MCF2L: variants seen among roughly 807,000 people sequenced by gnomAD.
MCF2L encodes guanine nucleotide exchange factor DBS.
A neutral mutation model predicts 153.4 loss-of-function variants in MCF2L; 97 were observed. The ratio of observed to expected loss-of-function variants is 0.63; its 90% CI spans 0.54 to 0.75. MCF2L has a LOEUF of 0.75. Ranked by LOEUF, MCF2L falls within the 30% of genes least tolerant of loss-of-function variation. The pLI, the probability that MCF2L is intolerant of heterozygous loss-of-function variation, is 0.00. For missense variants in MCF2L, 1,347 were observed against 1,495.2 expected (o/e 0.90, Z 1.64); for synonymous variants, 659 against 632.2 (o/e 1.04, Z -0.64).
rs1472276701 is a variant in MCF2L, at chr13:113,053,508, C to T, written c.370-7085C>T. ...ATGTCCATGTGTCCCGTGATTGGGG[C>T]GGTGTTGTGTGCTCAGACGGCCAAG... On this transcript the variant is annotated intron_variant, in intron 4 of 29. Coordinates refer to ENST00000535094, the MANE Select transcript of MCF2L (RefSeq NM_001112732.3). This position sits in a 1 kb window ranked among gnomAD's most constrained non-coding sequence, Gnocchi z 4.4. Among the ~76,000 whole-genome samples, 7 of 152,258 alleles carry T rather than the reference C, an allele frequency of 4.6e-5. No individual in the cohort carries two copies. The South Asian group carries it at 1.5e-3, about 32-fold the overall frequency.
chr13:113,046,369 A>C lies in MCF2L; in HGVS notation c.369+1008A>C. On this transcript the variant is annotated intron_variant, in intron 4 of 29. Transcript: ENST00000535094. This position sits in a 1 kb window ranked among gnomAD's most constrained non-coding sequence, Gnocchi z 4.4. ...CCAGGCTCTGGGACCCTGGGTCCTC[A>C]GCTGTGATGGCACAATTGCTCCAAG... 1 of 368,470 alleles carries C rather than the reference A, an allele frequency of 2.7e-6. No individual in the cohort carries two copies. The highest frequency in any genetic ancestry group is 5.3e-6 in the Non-Finnish European group (1 of 189,062). The allele number at this position is 368,470 out of a possible 1,614,324, so 22.8% of individuals were successfully genotyped here.
intron 2 of MCF2L, among the ~76,000 whole-genome samples, chr13:113,016,298 G>T (rs577037446): frequency 6.6e-6 from 1 of 152,322 alleles, no homozygotes; most frequent in South Asian, 2.1e-4. Flanking sequence ...TGACACAAGG[G>T]GGTTCTCTGT....
intron 2 of MCF2L, among the ~76,000 whole-genome samples, chr13:112,937,635 T>C (rs571654803): frequency 6.6e-6 from 1 of 152,328 alleles, no homozygotes; most frequent in African/African-American, 2.4e-5. Context: ...TTCAGGTCAA[T>C]TTATGCACAT....
rs371210042 is a variant in MCF2L at position 112,999,554 on chromosome 13, T to C, written c.80-15209T>C. On this transcript the variant is annotated intron_variant, in intron 1 of 29. Transcript: ENST00000535094. Reference sequence around the variant, plus strand: ...ATCAGCCGCTGTACGGCTGGCTGCCTGAGACGTCCCAGCCCTCCGTGTCCT... The same window carrying C: ...ATCAGCCGCTGTACGGCTGGCTGCCCGAGACGTCCCAGCCCTCCGTGTCCT... 4.9e-4 allele frequency among the ~76,000 whole-genome samples: 75 copies of C among 152,320 alleles called. 1 individual carries two copies. In the South Asian group the frequency reaches 8.5e-3, roughly 17 times the overall value.
At chr13:113,095,872 C>A in intron 27 of MCF2L, 1 of 884,312 alleles carries the variant, frequency 1.1e-6, no homozygotes, top group South Asian at 3.7e-5. Context: ...CAGTTCTAGG[C>A]CCCGGAGACA....
chr13:113,041,285 G>A (rs934771430), intron 3 of MCF2L, among the ~76,000 whole-genome samples: 4 of 152,198 alleles, frequency 2.6e-5, no homozygotes, highest in South Asian at 2.1e-4. Context: ...GGCCACAGAT[G>A]TGGGCATAGA....
intron 1 of MCF2L, among the ~76,000 whole-genome samples, chr13:112,989,290 C>T (rs113135985): frequency 3.4e-5 from 5 of 146,024 alleles, no homozygotes; most frequent in Admixed American, 2.0e-4. Context: ...GGAGCTACCA[C>T]GCCCGAGTCC....
Position 113,053,266 on chromosome 13 carries a change from G to C in MCF2L, c.370-7327G>C, listed in dbSNP as rs903412136. On this transcript the variant is annotated intron_variant, in intron 4 of 29. Coordinates refer to ENST00000535094, the MANE Select transcript of MCF2L (RefSeq NM_001112732.3). This position sits in a 1 kb window ranked among gnomAD's most constrained non-coding sequence, Gnocchi z 4.4. ...AGGTCCAGTGAAGGACGGCGCCCCC[G>C]TCAGCTGTCCACCCTTCTCAGTCGT... 2.0e-5 allele frequency among the ~76,000 whole-genome samples: 3 copies of C among 152,184 alleles called. No individual in the cohort carries two copies. Among genetic ancestry groups the C allele is most frequent in the South Asian group, 2.1e-4 (1 of 4,820 alleles).
At chr13:112,952,206 C>T (rs1398054167) in intron 2 of MCF2L, among the ~76,000 whole-genome samples, 2 of 152,152 alleles carry the variant, frequency 1.3e-5, no homozygotes, top group Admixed American at 6.5e-5. Context: ...TATTCAGAGC[C>T]GGGCAGAGGG....
In MCF2L at chr13:112,908,738, TTTTG is replaced by T. The variant is rs1196654630; in HGVS notation, c.169+6371_169+6374del. Among the ~76,000 whole-genome samples the T allele has an allele frequency of 1.1e-3, 66 of 60,486 alleles. 1 individual carries two copies. Among genetic ancestry groups the T allele is most frequent in the African/African-American group, 4.4e-3 (58 of 13,102 alleles). 39.7% of individuals were successfully genotyped at this position (60,486 alleles called of 152,430 possible). On this transcript the variant is annotated intron_variant, in intron 2 of 29. Coordinates refer to the MCF2L transcript ENST00000375608. Reference sequence around the variant, plus strand: ...TGTTTTTTGTTTTGTTTTGGTTTTTTTTTGTTTTTTTTTGAGACAGAGTCTCACT... The same window carrying T: ...TGTTTTTTGTTTTGTTTTGGTTTTTTTTTTTTTTTGAGACAGAGTCTCACT...
At chr13:112,959,279 C>T (rs2081795974) in intron 2 of MCF2L, among the ~76,000 whole-genome samples, 2 of 152,276 alleles carry the variant, frequency 1.3e-5, no homozygotes, top group African/African-American at 4.8e-5. Flanking sequence ...GGTCTCTCCA[C>T]TCTGGCCCCA....
In MCF2L at chr13:113,095,740, AC is replaced by A. The variant is rs899022032; in HGVS notation, c.3076-630del. ...GCAGCACCCCTCCGCAGCCCACCAC[AC>A]GCAGCACCAGGAGGCTGTGAATCTC... is the stretch of plus-strand genomic sequence containing the variant. On this transcript the variant is annotated intron_variant, in intron 27 of 29. Transcript: ENST00000535094. The A allele has an allele frequency of 4.6e-5, 46 of 995,400 alleles. 3 individuals are homozygous for A. The African/African-American group carries it at 7.3e-4, about 16-fold the overall frequency. 61.7% of individuals were successfully genotyped at this position (995,400 alleles called of 1,614,324 possible). A position where few individuals can be genotyped will look rare whatever the true frequency, so the allele number is the denominator to read the frequency against.
chr13:113,019,950 C>G (rs143902672), intron 2 of MCF2L, among the ~76,000 whole-genome samples: 1 of 152,178 alleles, frequency 6.6e-6, no homozygotes, highest in Non-Finnish European at 1.5e-5. Flanking sequence ...TTGGGCCTCC[C>G]GGCCTATGGT....
chr13:113,076,222 G>A, intron 12 of MCF2L, 65 bp downstream of exon 12: 1 of 1,198,570 alleles, frequency 8.3e-7, no homozygotes, highest in South Asian at 1.7e-5. Flanking sequence ...TTCCTCTGTG[G>A]GAAGTTTGAA....
intron 4 of MCF2L, among the ~76,000 whole-genome samples, chr13:113,059,798 G>A (rs995815253): frequency 6.6e-6 from 1 of 152,242 alleles, no homozygotes; most frequent in African/African-American, 2.4e-5. Flanking sequence ...GGCAGAGCCA[G>A]TTTCCAAATA....
At chr13:113,021,352 C>G (rs970217884) in intron 2 of MCF2L, among the ~76,000 whole-genome samples, 50 of 152,152 alleles carry the variant, frequency 3.3e-4, no homozygotes, top group Admixed American at 3.1e-3. Context: ...AGGAACCACA[C>G]TTCTTTCTGG....
In MCF2L at chr13:113,057,940, GTGTT is replaced by G. The variant is rs376422643; in HGVS notation, c.370-2650_370-2647del. ...TTGGGTGCTGAGTGTTGGGTGCTGA[GTGTT>G]TGGGTGCTGAGTGTTTTGGCACTGT... On this transcript the variant is annotated intron_variant, in intron 4 of 29. Coordinates refer to ENST00000535094, the MANE Select transcript of MCF2L (RefSeq NM_001112732.3). 3.4e-3 allele frequency among the ~76,000 whole-genome samples: 488 copies of G among 142,160 alleles called. 3 individuals are homozygous for G. Among genetic ancestry groups the G allele is most frequent in the African/African-American group, 0.012 (445 of 37,722 alleles). 93.3% of individuals were successfully genotyped at this position (142,160 alleles called of 152,430 possible). A position where few individuals can be genotyped will look rare whatever the true frequency, so the allele number is the denominator to read the frequency against.
At position 112,898,351 on chromosome 13, in the gene MCF2L, G is replaced by A. The variant is rs1017113442; in HGVS notation, c.-4-3848G>A. The stretch of plus-strand genomic sequence containing the variant: ...TACCCGAGCTGGTTGCGGGGCGTGA[G>A]GTGGGCGCGTGTTTGTTTTGTTCGC... On this transcript the variant is annotated intron_variant, in intron 1 of 29. Coordinates refer to the MCF2L transcript ENST00000375608. Among the ~76,000 whole-genome samples the A allele has an allele frequency of 5.9e-5, 9 of 152,338 alleles. No homozygotes were observed. The South Asian group carries it at 1.0e-3, about 18-fold the overall frequency.
At position 113,047,950 on chromosome 13, in the gene MCF2L, GCA is replaced by G. The variant is rs556238679; in HGVS notation, c.369+2596_369+2597del. On this transcript the variant is annotated intron_variant, in intron 4 of 29. Transcript: ENST00000535094. Reference sequence around the variant, plus strand: ...TCGCTACGCGTGCCCCAGTGCCCTCGCACACACATCACCACGTGTGTGTCTCA... The same window carrying G: ...TCGCTACGCGTGCCCCAGTGCCCTCGCACACATCACCACGTGTGTGTCTCA... Among the ~76,000 whole-genome samples, 5 of 152,362 alleles carry G rather than the reference GCA, an allele frequency of 3.3e-5. No homozygotes were observed. The South Asian group carries it at 1.0e-3, about 32-fold the overall frequency.
Sources: allele counts gnomAD v4.1 joint callset (sites outside exome capture counted in the v4.1 genomes callset), GRCh38; gene constraint gnomAD v4.1.1; non-coding constraint Gnocchi (gnomAD v3.1); transcripts MANE v1.5; gene names NCBI Gene and HGNC (gene_info 2026-07-23, HGNC 2026-07-21).